Variants in DOCK8 observed in about 807,000 individuals in gnomAD.
DOCK8 encodes the protein dedicator of cytokinesis protein 8.
DOCK8 carries 141 observed loss-of-function variants against 245.6 expected under a neutral mutation model. That is an observed-to-expected ratio of 0.57 (90% CI 0.50 to 0.66). The LOEUF (loss-of-function observed/expected upper bound fraction) is 0.66, where lower values mean the gene tolerates loss of function less well. DOCK8 is among the 30% of genes least tolerant of loss of function. DOCK8 has a pLI of 0.00. For missense variants in DOCK8, 2,965 were observed against 2,603.4 expected (o/e 1.14, Z -3.02); for synonymous variants, 1,168 against 970.2 (o/e 1.20, Z -3.79).
At chr9:379,292 C>T (rs573201619) in intron 20 of DOCK8, among the ~76,000 whole-genome samples, 25 of 152,264 alleles carry the variant, frequency 1.6e-4, no homozygotes, top group African/African-American at 6.0e-4. Context: ...TTAGGTTAAT[C>T]TGTACAAGAA....
At chr9:399,344 TC>T in intron 26 of DOCK8, 85 bp downstream of exon 26, 1 of 959,310 alleles carries the variant, frequency 1.0e-6, no homozygotes, top group Middle Eastern at 2.4e-4. Flanking sequence ...TGGCACGCTG[TC>T]TTCTTCATTA....
chr9:446,263 G>A (rs946572926), intron 43 of DOCK8, 107 bp from the exon 44 acceptor site: 5 of 924,642 alleles, frequency 5.4e-6, no homozygotes, highest in Middle Eastern at 2.2e-4. Context: ...TTCTGCACTG[G>A]GCAGGGCGGT....
In DOCK8 at chr9:379,782, C is replaced by T. The variant is rs2053665963; in HGVS notation, c.2452C>T (p.Gln818Ter). The change falls in exon 21 of 48, where the codon CAG becomes TAG. Residue 818 changes from glutamine to a stop codon, truncating the protein, a stop_gained. Transcript: ENST00000432829. LOFTEE classifies it high-confidence loss of function. ...VIAGQTANFS[Q>*]FAFESVVAIA... is the part of the protein sequence containing the mutation. Reference sequence around the variant, plus strand: ...TCTTGGTTCCTCAGCCAACTTCTCCCAGTTTGCCTTCGAGTCCGTGGTGGC... The same window carrying T: ...TCTTGGTTCCTCAGCCAACTTCTCCTAGTTTGCCTTCGAGTCCGTGGTGGC... The T allele has an allele frequency of 6.2e-7, 1 of 1,614,234 alleles. No individual in the cohort carries two copies. The highest frequency in any genetic ancestry group is 8.5e-7 in the Non-Finnish European group (1 of 1,180,036).
intron 14 of DOCK8, among the ~76,000 whole-genome samples, chr9:355,359 A>G (rs567247663): frequency 6.6e-6 from 1 of 151,564 alleles, no homozygotes; most frequent in Non-Finnish European, 1.5e-5. Context: ...ATGTGCCACC[A>G]CGCCCAGCTT....
intron 23 of DOCK8, 137 bp downstream of exon 23, chr9:386,563 A>C: frequency 1.4e-6 from 1 of 726,988 alleles, no homozygotes; most frequent in Non-Finnish European, 2.4e-6. Flanking sequence ...CACCCCACAC[A>C]CACTTTTGCA....
At position 303,906 on chromosome 9, in the gene DOCK8, C is replaced by T. The variant is rs144592514; in HGVS notation, c.405-675C>T. On this transcript the variant is annotated intron_variant, in intron 4 of 47. Coordinates refer to ENST00000432829, the MANE Select transcript of DOCK8 (RefSeq NM_203447.4). The stretch of plus-strand genomic sequence containing the variant: ...ATGTTTTCCAAAGATGTCTTTGAGT[C>T]ATAAAAATGGGAAATACACATGTTG... Among the ~76,000 whole-genome samples the T allele has an allele frequency of 5.2e-3, 795 of 152,326 alleles. 3 individuals carry two copies. The highest frequency in any genetic ancestry group is 0.01 in the Middle Eastern group (3 of 294).
intron 22 of DOCK8, among the ~76,000 whole-genome samples, chr9:383,713 A>G (rs962144719): frequency 2.0e-5 from 3 of 151,692 alleles, no homozygotes; most frequent in African/African-American, 7.3e-5. Flanking sequence ...AAAAAAAAAA[A>G]AAAAAAAAAA....
Position 396,809 on chromosome 9 carries a change from C to T in DOCK8, c.2995C>T (p.His999Tyr). ...LLVKSMAQHVHNMDKRDSFRR... is the reference protein window; with the variant it reads ...LLVKSMAQHVYNMDKRDSFRR... ...GGTGAAAAGCATGGCCCAGCACGTA[C>T]ATAACATGGACAAACGGGACAGTTT... The change falls in exon 25 of 48, where the codon CAT becomes TAT. Residue 999 changes from histidine (H) to tyrosine (Y), a missense_variant. His to Tyr is a moderately conservative substitution (Grantham distance 83, BLOSUM62 2). Transcript: ENST00000432829. The T allele has an allele frequency of 1.2e-6, 2 of 1,614,146 alleles. No homozygotes were observed. Among genetic ancestry groups the T allele is most frequent in the Non-Finnish European group, 1.7e-6 (2 of 1,180,032 alleles).
intron 12 of DOCK8, among the ~76,000 whole-genome samples, chr9:337,537 G>T (rs1022731295): frequency 7.2e-5 from 11 of 152,146 alleles, no homozygotes; most frequent in Non-Finnish European, 1.5e-4. Context: ...CTATTCATGT[G>T]CAAGTTTCCA....
At chr9:215,300 C>G in intron 1 of DOCK8, 2 of 1,606,768 alleles carry the variant, frequency 1.2e-6, no homozygotes, top group South Asian at 2.2e-5. Flanking sequence ...CGAACAACCT[C>G]GCCCGCTCCG....
chr9:400,947 TCACCAC>T (rs751022932), intron 26 of DOCK8, among the ~76,000 whole-genome samples: 14 of 28,524 alleles, frequency 4.9e-4, no homozygotes, highest in Middle Eastern at 0.02. Flanking sequence ...ACCACCACCA[TCACCAC>T]CACCACCACC....
chr9:370,347 A>G lies in DOCK8; in HGVS notation c.1868+47A>G. On this transcript the variant is annotated intron_variant, in intron 16 of 47. Coordinates refer to ENST00000432829, the MANE Select transcript of DOCK8 (RefSeq NM_203447.4). The stretch of plus-strand genomic sequence containing the variant: ...AAATATATGCCAAGATGGTTTCATC[A>G]TCTCCTGGTTTTTCCAAGTCCCGTG... 3.2e-6 allele frequency: 5 copies of G among 1,571,790 alleles called. No homozygotes were observed. In the South Asian group the frequency reaches 5.5e-5, roughly 17 times the overall value.
At chr9:437,739 A>C (rs1199798522) in intron 39 of DOCK8, among the ~76,000 whole-genome samples, 2 of 152,246 alleles carry the variant, frequency 1.3e-5, no homozygotes, top group Non-Finnish European at 2.9e-5. Context: ...CTTTGAGGTC[A>C]CTGAATTCCA....
chr9:416,716 C>T (rs1229786928), intron 29 of DOCK8, among the ~76,000 whole-genome samples: 6 of 152,196 alleles, frequency 3.9e-5, no homozygotes, highest in African/African-American at 1.2e-4. Context: ...TCAACCTTTC[C>T]GTGCCTTCCT....
At chr9:317,327 C>G (rs981833216) in intron 7 of DOCK8, among the ~76,000 whole-genome samples, 199 bp downstream of exon 7, 1 of 152,146 alleles carries the variant, frequency 6.6e-6, no homozygotes, top group African/African-American at 2.4e-5. Context: ...GATGGTCATT[C>G]TTCTACAATA....
At chr9:326,840 A>G (rs1563924281) in intron 8 of DOCK8, among the ~76,000 whole-genome samples, 1 of 152,198 alleles carries the variant, frequency 6.6e-6, no homozygotes, top group Non-Finnish European at 1.5e-5. Context: ...TTCACTGGAG[A>G]GAATTGAGTC....
intron 43 of DOCK8, among the ~76,000 whole-genome samples, chr9:445,483 AGT>A (rs1208806747): frequency 6.6e-6 from 1 of 152,036 alleles, no homozygotes; most frequent in Non-Finnish European, 1.5e-5. Context: ...AGGTGATGTG[AGT>A]GTGTGTTTAA....
chr9:390,353 C>G (rs1219475074), intron 23 of DOCK8, 118 bp from the exon 24 acceptor site: 2 of 918,932 alleles, frequency 2.2e-6, no homozygotes, highest in East Asian at 2.6e-5. Flanking sequence ...ACATCTAAGA[C>G]ACATGCTTCA....
At chr9:229,111 A>G (rs1233878236) in intron 1 of DOCK8, among the ~76,000 whole-genome samples, 1 of 152,206 alleles carries the variant, frequency 6.6e-6, no homozygotes, top group Non-Finnish European at 1.5e-5. Flanking sequence ...GTCATAAGGC[A>G]ACTCAGCTTC....
Sources: allele counts gnomAD v4.1 joint callset (sites outside exome capture counted in the v4.1 genomes callset), GRCh38; gene constraint gnomAD v4.1.1; transcripts MANE v1.5; gene names NCBI Gene and HGNC (gene_info 2026-07-23, HGNC 2026-07-21).